BPIFC: variants seen among roughly 807,000 people sequenced by gnomAD.
BPIFC encodes the protein BPI fold containing family C.
In BPIFC, 60 loss-of-function variants were observed where a neutral mutation model predicts 57.6. That is an observed-to-expected ratio of 1.04 (90% CI 0.85 to 1.29). The LOEUF (loss-of-function observed/expected upper bound fraction) is 1.29. Ranked by LOEUF, BPIFC falls within the 50% of genes most tolerant of loss-of-function variation. The pLI, the probability that BPIFC is intolerant of heterozygous loss-of-function variation, is 0.00. For synonymous variants in BPIFC, 243 were observed against 224.5 expected (o/e 1.08, Z -0.74); for missense variants, 581 against 600.5 (o/e 0.97, Z 0.34).
chr22:32,420,210 C>T (rs886813105), intron 13 of BPIFC, among the ~76,000 whole-genome samples: 7 of 151,084 alleles, frequency 4.6e-5, no homozygotes, highest in Non-Finnish European at 8.8e-5. Flanking sequence ...CCCAGCTACT[C>T]GGGAGGCTGA....
rs1934598933 is a variant in BPIFC at position 32,442,712 on chromosome 22, C to G, written c.614G>C (p.Ser205Thr). 6.2e-7 allele frequency: 1 copy of G among 1,613,956 alleles called. No individual in the cohort carries two copies. Among genetic ancestry groups the G allele is most frequent in the Non-Finnish European group, 8.5e-7 (1 of 1,179,962 alleles). The change falls in exon 8 of 17, where the codon AGT becomes ACT. Residue 205 changes from serine to threonine, a missense_variant. Coordinates refer to ENST00000300399, the MANE Select transcript of BPIFC (RefSeq NM_174932.3). ...GTTGGCATTTAGCGCTTTGACTTCA[C>G]TTGCAATAATGGGACAGAGCTGGCC... ...LNEMLCPIIA[S>T]EVKALNANLS...
At position 32,431,395 on chromosome 22, in the gene BPIFC, C is replaced by G. The variant is rs1934238218; in HGVS notation, c.1169G>C (p.Gly390Ala). The G allele has an allele frequency of 6.3e-7, 1 of 1,589,906 alleles. No homozygotes were observed. ...CAGTCTTTGTCCCAAAATAACCAGG[C>G]CAACACTGGTACTAGCAACCTATAG... ...SMDFVASTSV[G>A]LVILGQRLVC... Residue 390 changes from glycine (G) to alanine (A), a missense_variant, in exon 13 of 17, where the codon GGC becomes GCC. Transcript: ENST00000300399.
In BPIFC at chr22:32,457,401, C is replaced by T. The variant is rs1473595638; in HGVS notation, c.1-15G>A. The T allele has an allele frequency of 1.9e-6, 3 of 1,601,298 alleles. No individual in the cohort carries two copies. The highest frequency in any genetic ancestry group is 2.5e-6 in the Non-Finnish European group (3 of 1,176,586). On this transcript the variant is annotated splice_polypyrimidine_tract_variant and intron_variant, in intron 2 of 16. Transcript: ENST00000300399. ...TTTGTACACATCTGAAATTAACCAA[C>T]AGTTAAGGTTCCTTTATTATTCTTG...
chr22:32,445,049 A>G (rs1352020986), intron 7 of BPIFC, among the ~76,000 whole-genome samples: 1 of 152,164 alleles, frequency 6.6e-6, no homozygotes, highest in African/African-American at 2.4e-5. Context: ...TGCCCACCCT[A>G]TGGTAAGAAA....
intron 10 of BPIFC, among the ~76,000 whole-genome samples, 194 bp from the exon 11 acceptor site, chr22:32,433,966 C>T (rs191716179): frequency 6.6e-6 from 1 of 151,996 alleles, no homozygotes; most frequent in African/African-American, 2.4e-5. Flanking sequence ...AGTGACTTGC[C>T]CAAGGTCACA....
intron 13 of BPIFC, among the ~76,000 whole-genome samples, chr22:32,422,722 A>T (rs1341788874): frequency 6.6e-6 from 1 of 151,408 alleles, no homozygotes; most frequent in Non-Finnish European, 1.5e-5. Context: ...AAAAAAAGAG[A>T]GTGCGAAAAG....
At chr22:32,446,757 C>T (rs193094406) in intron 5 of BPIFC, 47 of 985,362 alleles carry the variant, frequency 4.8e-5, no homozygotes, top group Admixed American at 1.8e-4. Flanking sequence ...TCCTTCTACA[C>T]GAGGGTGCAA....
chr22:32,454,067 C>A (rs1255073585), intron 3 of BPIFC, among the ~76,000 whole-genome samples: 4 of 152,154 alleles, frequency 2.6e-5, no homozygotes, highest in African/African-American at 9.7e-5. Flanking sequence ...GCCATGATTG[C>A]ACCATTGTAC....
intron 2 of BPIFC, among the ~76,000 whole-genome samples, chr22:32,458,931 C>T (rs1029885606): frequency 2.0e-5 from 3 of 152,218 alleles, no homozygotes; most frequent in African/African-American, 7.2e-5. Flanking sequence ...ACTTGGCATA[C>T]ATGAATGATT....
At chr22:32,437,898 A>C (rs2145938409) in intron 8 of BPIFC, 47 bp from the exon 9 acceptor site, 1 of 1,075,234 alleles carries the variant, frequency 9.3e-7, no homozygotes, top group African/African-American at 1.6e-5. Context: ...CATTAAAGGC[A>C]TAGTATAATA....
In BPIFC at chr22:32,442,699, C is replaced by T. The variant is rs201735290; in HGVS notation, c.627G>A (p.Ala209=). Residue 209 remains alanine (A), a synonymous_variant, in exon 8 of 17, where the codon GCG becomes GCA. Coordinates refer to ENST00000300399, the MANE Select transcript of BPIFC (RefSeq NM_174932.3). ...LCPIIASEVK[A]LNANLSTLEV... is the part of the protein sequence containing the mutation. Reference sequence around the variant, plus strand: ...CCAGTGTGCTGAGGTTGGCATTTAGCGCTTTGACTTCACTTGCAATAATGG... The same window carrying T: ...CCAGTGTGCTGAGGTTGGCATTTAGTGCTTTGACTTCACTTGCAATAATGG... 5.0e-6 allele frequency: 8 copies of T among 1,613,852 alleles called. No homozygotes were observed. In the Admixed American group the frequency reaches 5.0e-5, roughly 10 times the overall value.
chr22:32,432,408 T>A lies in BPIFC; in HGVS notation c.1114A>T (p.Asn372Tyr). Residue 372 changes from asparagine to tyrosine, a missense_variant, in exon 12 of 17, where the codon AAC becomes TAC. Coordinates refer to ENST00000300399, the MANE Select transcript of BPIFC (RefSeq NM_174932.3). Reference protein sequence around the residue: ...ASIMMLTQPKNSTVETIVSMD... With the variant: ...ASIMMLTQPKYSTVETIVSMD... ...GAAACGATGGTTTCAACTGTGGAGTTCTTGGGTTGGGTGAGCATCATGATG... is the reference window on the plus strand; with the variant it reads ...GAAACGATGGTTTCAACTGTGGAGTACTTGGGTTGGGTGAGCATCATGATG... 5 of 1,614,036 alleles carry A rather than the reference T, an allele frequency of 3.1e-6. No homozygotes were observed. The highest frequency in any genetic ancestry group is 4.2e-6 in the Non-Finnish European group (5 of 1,180,014).
Position 32,453,412 on chromosome 22 carries a change from T to A in BPIFC, c.216A>T (p.Lys72Asn). ...LSGSESLEFL[K>N]VDYVNYNFSN... ...AAAAATTGTAGTTTACATAATCAAC[T>A]TTTAGAAATTCAAGAGACTCAGAAC... Residue 72 changes from lysine to asparagine, a missense_variant, in exon 4 of 17, where the codon AAA (lysine) becomes AAT (asparagine). Lys to Asn is a moderately conservative substitution (Grantham distance 94, BLOSUM62 0). Transcript: ENST00000300399. 1 of 1,593,950 alleles carries A rather than the reference T, an allele frequency of 6.3e-7. No individual in the cohort carries two copies. Among genetic ancestry groups the A allele is most frequent in the Non-Finnish European group, 8.5e-7 (1 of 1,174,814 alleles).
chr22:32,451,532 G>A (rs1318343813), intron 4 of BPIFC, among the ~76,000 whole-genome samples: 5 of 152,094 alleles, frequency 3.3e-5, no homozygotes, highest in African/African-American at 9.7e-5. Flanking sequence ...ATCACACACC[G>A]GGGCCTGTTG....
At chr22:32,426,509 T>C (rs1934070807) in intron 13 of BPIFC, among the ~76,000 whole-genome samples, 1 of 152,218 alleles carries the variant, frequency 6.6e-6, no homozygotes, top group Admixed American at 6.5e-5. Context: ...GCTCACTGCC[T>C]GAGGTTTGCT....
chr22:32,424,349 C>T (rs1239076290), intron 13 of BPIFC, among the ~76,000 whole-genome samples: 1 of 152,112 alleles, frequency 6.6e-6, no homozygotes, highest in African/African-American at 2.4e-5. Context: ...TTACTTTCTT[C>T]ACCATTTTCT....
intron 13 of BPIFC, among the ~76,000 whole-genome samples, chr22:32,421,463 A>G (rs1261190862): frequency 6.6e-6 from 1 of 152,090 alleles, no homozygotes; most frequent in East Asian, 1.9e-4. Flanking sequence ...CCAGGTCTAG[A>G]GCCCTACTTC....
chr22:32,447,151 A>G, intron 5 of BPIFC, 61 bp downstream of exon 5: 1 of 1,431,038 alleles, frequency 7.0e-7, no homozygotes, highest in Admixed American at 2.6e-5. Context: ...GAATTTCTAC[A>G]TTTTCCGTTT....
chr22:32,424,404 T>C (rs1933935613), intron 13 of BPIFC, among the ~76,000 whole-genome samples: 1 of 152,152 alleles, frequency 6.6e-6, no homozygotes, highest in Non-Finnish European at 1.5e-5. Context: ...GTGTGTTTTT[T>C]TCTATTTCAG....
Sources: allele counts gnomAD v4.1 joint callset (sites outside exome capture counted in the v4.1 genomes callset), GRCh38; gene constraint gnomAD v4.1.1; transcripts MANE v1.5; gene names NCBI Gene and HGNC (gene_info 2026-07-23, HGNC 2026-07-21).